TBCD: variants seen among roughly 807,000 people sequenced by gnomAD.
TBCD encodes tubulin folding cofactor D.
Under a neutral mutation model 169.3 loss-of-function variants are expected in TBCD, and 105 were observed. That is an observed-to-expected ratio of 0.62 (90% CI 0.53 to 0.73). The LOEUF (loss-of-function observed/expected upper bound fraction) is 0.73. Ranked by LOEUF, TBCD falls within the 30% of genes least tolerant of loss-of-function variation. The pLI is 0.00. For missense variants in TBCD, 1,444 were observed against 1,600.1 expected, an observed-to-expected ratio of 0.90 and a Z score of 1.66; for synonymous variants, 700 against 643.9, an observed-to-expected ratio of 1.09 and a Z score of -1.32.
chr17:82,859,932 C>T (rs915918413), intron 13 of TBCD: 1 of 975,850 alleles, frequency 1.0e-6, no homozygotes, highest in Admixed American at 6.1e-5. Flanking sequence ...CTTTGGCCTC[C>T]CCAGCCGTCT....
chr17:82,871,866 C>G (rs2057588829), intron 14 of TBCD, among the ~76,000 whole-genome samples: 1 of 152,190 alleles, frequency 6.6e-6, no homozygotes, highest in Non-Finnish European at 1.5e-5. Flanking sequence ...CTCCTGGGTT[C>G]CCTCACGCAC....
rs949623707 is a variant in TBCD at position 82,800,927 on chromosome 17, G to A, written c.881G>A (p.Arg294Gln). The A allele has an allele frequency of 8.1e-6, 13 of 1,612,156 alleles. No individual in the cohort carries two copies. The highest frequency in any genetic ancestry group is 2.2e-5 in the South Asian group (2 of 90,978). ...CCTGAGAGCAACCAGACCCTGCTGC[G>A]GAAGCTGGGGGTGAAGCTTGTGCAG... ...RLPESNQTLLRKLGVKLVQRL... is the reference protein window; with the variant it reads ...RLPESNQTLLQKLGVKLVQRL... Residue 294 changes from arginine (R) to glutamine (Q), a missense_variant, in exon 9 of 39, where the codon CGG becomes CAG. By Grantham distance (43) the Arg-to-Gln change is conservative. Coordinates refer to ENST00000355528, the MANE Select transcript of TBCD (RefSeq NM_005993.5).
chr17:82,827,730 G>A (rs1482272135), intron 13 of TBCD, among the ~76,000 whole-genome samples: 5 of 151,310 alleles, frequency 3.3e-5, no homozygotes, highest in Non-Finnish European at 7.4e-5. Context: ...TACACCCACA[G>A]ATACACACAC....
intron 1 of TBCD, among the ~76,000 whole-genome samples, chr17:82,755,591 G>C (rs1475196895): frequency 6.6e-6 from 1 of 152,124 alleles, no homozygotes; most frequent in African/African-American, 2.4e-5. Flanking sequence ...GAATTCCAAC[G>C]AGAGGAGGGT....
intron 2 of TBCD, among the ~76,000 whole-genome samples, chr17:82,763,353 C>A (rs2047862949): frequency 6.6e-6 from 1 of 152,204 alleles, no homozygotes; most frequent in Non-Finnish European, 1.5e-5. Flanking sequence ...GCCACTCCAG[C>A]TCTTTTATGA....
chr17:82,870,338 A>G lies in TBCD; in HGVS notation c.1433A>G (p.Tyr478Cys), dbSNP rs756576748. Residue 478 changes from tyrosine to cysteine, a missense_variant, in exon 14 of 39, where the codon TAT becomes TGT. By Grantham distance (194) the Tyr-to-Cys change is radical. Coordinates refer to ENST00000355528, the MANE Select transcript of TBCD (RefSeq NM_005993.5). ...CYVCWAFARA[Y>C]EPQELKPFVT... ...GTGTGCTGGGCCTTCGCGCGTGCCT[A>G]TGAGCCTCAGGAGCTGAAGCCCTTT... The G allele has an allele frequency of 8.7e-6, 14 of 1,613,328 alleles. No homozygotes were observed. The highest frequency in any genetic ancestry group is 2.7e-5 in the African/African-American group (2 of 74,934).
rs1162058241 is a variant in TBCD at position 82,942,453 on chromosome 17, G to A, written c.3569G>A (p.Gly1190Asp). Reference sequence around the variant, plus strand: ...CTTGTCTTGTCTCTTCTTCAGCCTGGTGCCTGCTGAAGCCAGTCCTGGAGC... The same window carrying A: ...CTTGTCTTGTCTCTTCTTCAGCCTGATGCCTGCTGAAGCCAGTCCTGGAGC... Reference protein sequence around the residue: ...VPRPQLVPQPGAC With the variant: ...VPRPQLVPQPDAC The change falls in exon 39 of 39, where the codon GGT becomes GAT. Residue 1190 changes from glycine to aspartate, a missense_variant. Transcript: ENST00000355528. The A allele has an allele frequency of 6.2e-7, 1 of 1,613,988 alleles. No individual in the cohort carries two copies. The highest frequency in any genetic ancestry group is 8.5e-7 in the Non-Finnish European group (1 of 1,179,892).
rs2062351275 is a variant in TBCD, at chr17:82,933,198, G to A, written c.3191+463G>A. 3.3e-5 allele frequency among the ~76,000 whole-genome samples: 5 copies of A among 151,890 alleles called. No individual in the cohort carries two copies. In the South Asian group the frequency reaches 1.0e-3, roughly 32 times the overall value. On this transcript the variant is annotated intron_variant, in intron 34 of 38. Coordinates refer to ENST00000355528, the MANE Select transcript of TBCD (RefSeq NM_005993.5). ...GATGCCCCAGGCTGGTCTCAGCTGG[G>A]TTGTTGGCTCTGAGTGGTCATCTCG...
Position 82,830,793 on chromosome 17 carries a change from G to T in TBCD, c.1318+15859G>T, listed in dbSNP as rs373342505. On this transcript the variant is annotated intron_variant, in intron 13 of 38. Coordinates refer to ENST00000355528, the MANE Select transcript of TBCD (RefSeq NM_005993.5). Reference sequence around the variant, plus strand: ...GGTTGAGGGGGCCCATCCCGGAGCTGTCGTCCGGACTGGAAGGCGCGGCCT... The same window carrying T: ...GGTTGAGGGGGCCCATCCCGGAGCTTTCGTCCGGACTGGAAGGCGCGGCCT... 1.2e-6 allele frequency: 2 copies of T among 1,613,660 alleles called. No homozygotes were observed. The highest frequency in any genetic ancestry group is 1.7e-6 in the Non-Finnish European group (2 of 1,180,044).
At chr17:82,891,329 C>T (rs1345279017) in intron 16 of TBCD, among the ~76,000 whole-genome samples, 1 of 152,240 alleles carries the variant, frequency 6.6e-6, no homozygotes, top group African/African-American at 2.4e-5. Context: ...GGGATATTCC[C>T]GTGGGTGCGG....
chr17:82,831,828 G>T lies in TBCD; in HGVS notation c.1318+16894G>T, dbSNP rs530175205. 6.2e-7 allele frequency: 1 copy of T among 1,614,068 alleles called. No individual in the cohort carries two copies. The highest frequency in any genetic ancestry group is 1.3e-5 in the African/African-American group (1 of 74,922). ...ACTCTGGTGGAAGGAAAGGTGAGCC[G>T]GCTTTCCAGGGGTAGCCAGGAGTGT... On this transcript the variant is annotated intron_variant, in intron 13 of 38. Coordinates refer to ENST00000355528, the MANE Select transcript of TBCD (RefSeq NM_005993.5). This position sits in a 1 kb window ranked among gnomAD's most constrained non-coding sequence, Gnocchi z 4.6.
At chr17:82,813,917 G>A (rs1043142238) in intron 12 of TBCD, among the ~76,000 whole-genome samples, 2 of 152,140 alleles carry the variant, frequency 1.3e-5, no homozygotes, top group African/African-American at 2.4e-5. Context: ...GCCACTGGGC[G>A]GACAGGCACT....
At chr17:82,870,692 A>C (rs988388390) in intron 14 of TBCD, among the ~76,000 whole-genome samples, 4 of 152,218 alleles carry the variant, frequency 2.6e-5, no homozygotes, top group Non-Finnish European at 5.9e-5. Flanking sequence ...GTCACCCTGC[A>C]GGCAGCAGAT....
intron 13 of TBCD, among the ~76,000 whole-genome samples, chr17:82,847,499 G>C (rs2055248797): frequency 6.6e-6 from 1 of 152,142 alleles, no homozygotes. Context: ...AGGTGTATGA[G>C]AGAATTTGGG....
In TBCD at chr17:82,930,385, G is replaced by A. The variant is rs1000648573; in HGVS notation, c.2992-137G>A. Reference sequence around the variant, plus strand: ...CTCCGTGCTGGCGTCCGCACCAGCCGCTTGGGGCCAGACCTTCGCGTCTCT... The same window carrying A: ...CTCCGTGCTGGCGTCCGCACCAGCCACTTGGGGCCAGACCTTCGCGTCTCT... On this transcript the variant is annotated intron_variant, in intron 32 of 38. Coordinates refer to ENST00000355528, the MANE Select transcript of TBCD (RefSeq NM_005993.5). This position sits in a 1 kb window ranked among gnomAD's most constrained non-coding sequence, Gnocchi z 5.2. 8 of 1,328,552 alleles carry A rather than the reference G, an allele frequency of 6.0e-6. No homozygotes were observed. In the Admixed American group the frequency reaches 1.3e-4, roughly 22 times the overall value. The allele number at this position is 1,328,552 out of a possible 1,614,324, so 82.3% of individuals were successfully genotyped here.
At chr17:82,908,416 C>T in intron 21 of TBCD, 1 of 456,528 alleles carries the variant, frequency 2.2e-6, no homozygotes, top group Non-Finnish European at 4.4e-6. Context: ...GAGAGATTCT[C>T]AAAGGCTTCT....
chr17:82,865,392 T>C, intron 13 of TBCD: 1 of 878,606 alleles, frequency 1.1e-6, no homozygotes, highest in Non-Finnish European at 1.4e-6. Flanking sequence ...ATCCACCCCA[T>C]CGTGGGAGGG....
intron 13 of TBCD, among the ~76,000 whole-genome samples, chr17:82,844,749 C>G (rs748615348): frequency 1.6e-4 from 23 of 142,572 alleles, no homozygotes; most frequent in Non-Finnish European, 3.5e-4. Flanking sequence ...ATGTTCAACC[C>G]CCTGTGTTAC....
chr17:82,901,166 T>G (rs1326295402), intron 18 of TBCD, among the ~76,000 whole-genome samples: 1 of 152,234 alleles, frequency 6.6e-6, no homozygotes, highest in Non-Finnish European at 1.5e-5. Flanking sequence ...CAGTAGCAGC[T>G]TCAGGGTTTC....
Sources: gnomAD v4.1 joint callset for allele counts (sites outside exome capture counted in the v4.1 genomes callset) on GRCh38, gnomAD v4.1.1 for gene constraint, Gnocchi (gnomAD v3.1) non-coding constraint, MANE v1.5 for transcripts, NCBI Gene and HGNC (gene_info 2026-07-23, HGNC 2026-07-21) for gene names.